TG: variants seen among roughly 807,000 people sequenced by gnomAD.
TG encodes thyroid hormones.
Under a neutral mutation model 324.7 loss-of-function variants are expected in TG, and 270 were observed. The ratio of observed to expected loss-of-function variants is 0.83; its 90% CI spans 0.75 to 0.92. TG has a LOEUF of 0.92. Ranked by LOEUF, TG falls within the 40% of genes least tolerant of loss-of-function variation. The pLI, the probability that TG is intolerant of heterozygous loss-of-function variation, is 0.00. For synonymous variants in TG, 1,401 were observed against 1,327.0 expected (o/e 1.06, Z -1.21); for missense variants, 3,591 against 3,456.4 (o/e 1.04, Z -0.98).
intron 40 of TG, among the ~76,000 whole-genome samples, chr8:133,024,496 C>T (rs1181100295): frequency 1.3e-5 from 2 of 151,880 alleles, no homozygotes; most frequent in East Asian, 3.9e-4. Flanking sequence ...CACCCATCAA[C>T]CTGTAATCTA....
intron 17 of TG, 112 bp downstream of exon 17, chr8:132,907,012 G>C (rs777022179): frequency 8.8e-7 from 1 of 1,140,146 alleles, no homozygotes; most frequent in Non-Finnish European, 1.3e-6. Context: ...GTAGCACGCT[G>C]GTGGTATGCC....
Position 133,096,285 on chromosome 8 carries a change from C to G in TG, c.7484C>G (p.Ala2495Gly). 1 of 1,614,218 alleles carries G rather than the reference C, an allele frequency of 6.2e-7. No homozygotes were observed. Among genetic ancestry groups the G allele is most frequent in the Non-Finnish European group, 8.5e-7 (1 of 1,180,034 alleles). ...GHFLREPPAR[A>G]LKRSLWVEVD... ...TTCCTCCGTGAGCCTCCAGCCAGAG[C>G]ACTGAAGAGGTCTTTATGGGTAGAG... Residue 2495 changes from alanine to glycine, a missense_variant, in exon 43 of 48, where the codon GCA becomes GGA. By Grantham distance (60) the Ala-to-Gly change is moderately conservative. Coordinates refer to ENST00000220616, the MANE Select transcript of TG (RefSeq NM_003235.5).
At chr8:133,023,139 T>C (rs1835707149) in intron 40 of TG, among the ~76,000 whole-genome samples, 1 of 152,134 alleles carries the variant, frequency 6.6e-6, no homozygotes, top group East Asian at 1.9e-4. Flanking sequence ...TGGACTAGAA[T>C]GTGTGTGAAT....
At chr8:132,918,822 A>G (rs569548129) in intron 20 of TG, among the ~76,000 whole-genome samples, 2 of 152,358 alleles carry the variant, frequency 1.3e-5, no homozygotes, top group African/African-American at 2.4e-5. Context: ...GGCATATTCT[A>G]TAATTTAATT....
intron 41 of TG, among the ~76,000 whole-genome samples, chr8:133,071,486 G>A (rs1231637456): frequency 1.3e-5 from 2 of 152,174 alleles, no homozygotes; most frequent in African/African-American, 4.8e-5. Context: ...AGAGGGTTAT[G>A]CTTGTCATAG....
At chr8:133,106,321 A>G (rs992112876) in intron 43 of TG, 2 of 803,720 alleles carry the variant, frequency 2.5e-6, no homozygotes, top group African/African-American at 3.7e-5. Context: ...CTGAGGGGCC[A>G]GTCGGCTCCT....
Position 133,053,345 on chromosome 8 carries a change from G to T in TG, c.7239+23322G>T, listed in dbSNP as rs555194142. Among the ~76,000 whole-genome samples, 42 of 152,338 alleles carry T rather than the reference G, an allele frequency of 2.8e-4. No homozygotes were observed. In the South Asian group the frequency reaches 6.2e-3, roughly 23 times the overall value. On this transcript the variant is annotated intron_variant, in intron 41 of 47. Transcript: ENST00000220616. ...GGAGGGCAGAATACTGGTGTCTTCT[G>T]TGTCTGTAGCCTGTGCCACACCTGT...
chr8:133,091,466 C>T (rs998998914), intron 41 of TG, among the ~76,000 whole-genome samples: 8 of 152,152 alleles, frequency 5.3e-5, no homozygotes, highest in South Asian at 2.1e-4. Flanking sequence ...CTGCCCACCC[C>T]GCTTCTTGTT....
At chr8:132,971,931 A>C in intron 33 of TG, 58 bp downstream of exon 33, 1 of 1,155,244 alleles carries the variant, frequency 8.7e-7, no homozygotes, top group South Asian at 1.2e-5. Context: ...TTTAGAAAAC[A>C]CATTCACATC....
chr8:133,031,556 C>T (rs1326273856), intron 41 of TG, among the ~76,000 whole-genome samples: 1 of 152,152 alleles, frequency 6.6e-6, no homozygotes, highest in African/African-American at 2.4e-5. Context: ...AGTTAGGATA[C>T]TGTAAAGTTA....
intron 20 of TG, among the ~76,000 whole-genome samples, chr8:132,918,055 C>T (rs1280166217): frequency 6.6e-6 from 1 of 152,002 alleles, no homozygotes; most frequent in East Asian, 1.9e-4. Context: ...AGCCCCTTCT[C>T]CCGAGGGAAG....
In TG at chr8:132,901,385, G is replaced by A. The variant is rs1817906889; in HGVS notation, c.3466G>A (p.Val1156Ile). The A allele has an allele frequency of 6.2e-7, 1 of 1,614,200 alleles. No individual in the cohort carries two copies. Among genetic ancestry groups the A allele is most frequent in the Non-Finnish European group, 8.5e-7 (1 of 1,180,048 alleles). The change falls in exon 16 of 48, where the codon GTC (valine) becomes ATC (isoleucine). Residue 1156 changes from valine (V) to isoleucine (I), a missense_variant. Transcript: ENST00000220616. Reference sequence around the variant, plus strand: ...CCTCTGCAATGTGCTCAAGAGTGGAGTCCTCTCCAGGAGAGTCAGCCCAGG... The same window carrying A: ...CCTCTGCAATGTGCTCAAGAGTGGAATCCTCTCCAGGAGAGTCAGCCCAGG... Reference protein sequence around the residue: ...PSLCNVLKSGVLSRRVSPGYV... With the variant: ...PSLCNVLKSGILSRRVSPGYV...
At chr8:133,121,554 A>AAAT (rs1851144515) in intron 45 of TG, among the ~76,000 whole-genome samples, 1 of 152,204 alleles carries the variant, frequency 6.6e-6, no homozygotes, top group South Asian at 2.1e-4. Context: ...TATGGAGGCA[A>AAAT]AATAATGCCC....
chr8:132,952,062 G>C (rs902766721), intron 27 of TG, among the ~76,000 whole-genome samples: 1 of 152,188 alleles, frequency 6.6e-6, no homozygotes, highest in Non-Finnish European at 1.5e-5. Flanking sequence ...TTAACAACGG[G>C]ATAGATGGTT....
chr8:133,117,303 G>A (rs1343739429), intron 45 of TG, among the ~76,000 whole-genome samples: 1 of 152,168 alleles, frequency 6.6e-6, no homozygotes, highest in East Asian at 1.9e-4. Flanking sequence ...TTAAAAAGAA[G>A]AAGAAAAGAA....
In TG at chr8:133,019,632, A is replaced by T; in HGVS notation, c.6813A>T (p.Thr2271=). The T allele has an allele frequency of 6.2e-7, 1 of 1,613,940 alleles. No homozygotes were observed. The highest frequency in any genetic ancestry group is 8.5e-7 in the Non-Finnish European group (1 of 1,179,894). ...RASCWQPGTR[T]STSPGVSEDC... ...GCTGCTGGCAGCCAGGCACCAGAAC[A>T]TCCACGTCTCCTGGAGTCAGTGAAG... The change falls in exon 39 of 48, where the codon ACA becomes ACT. Residue 2271 remains threonine (T), a synonymous_variant. Coordinates refer to ENST00000220616, the MANE Select transcript of TG (RefSeq NM_003235.5).
chr8:133,011,880 G>A, intron 35 of TG, 21 bp from the exon 36 acceptor site: 1 of 1,614,140 alleles, frequency 6.2e-7, no homozygotes, highest in Non-Finnish European at 8.5e-7. Flanking sequence ...GCATGTGACT[G>A]TCCGTTGCCT....
intron 24 of TG, among the ~76,000 whole-genome samples, chr8:132,934,046 G>A (rs959481052): frequency 1.1e-4 from 16 of 151,994 alleles, no homozygotes; most frequent in African/African-American, 3.4e-4. Context: ...AAACATAATC[G>A]TGGTTGGAGG....
At chr8:133,002,326 T>C (rs1833596179) in intron 35 of TG, 1 of 985,254 alleles carries the variant, frequency 1.0e-6, no homozygotes, top group African/African-American at 1.7e-5. Flanking sequence ...ATTTTACTTC[T>C]TCCATGATGA....
Sources: gnomAD v4.1 joint callset for allele counts (sites outside exome capture counted in the v4.1 genomes callset) on GRCh38, gnomAD v4.1.1 for gene constraint, MANE v1.5 for transcripts, NCBI Gene and HGNC (gene_info 2026-07-23, HGNC 2026-07-21) for gene names.